The following NRG1 variants were observed in gnomAD, a reference collection of about 807,000 sequenced individuals.
NRG1 encodes neuregulin 1, also known as pro-neuregulin-1, membrane-bound isoform.
NRG1 carries 18 observed loss-of-function variants against 63.8 expected under a neutral mutation model. The ratio of observed to expected loss-of-function variants is 0.28; its 90% CI spans 0.19 to 0.42. The LOEUF (loss-of-function observed/expected upper bound fraction) is 0.42, where lower values mean the gene tolerates loss of function less well. NRG1 is among the 10% of genes least tolerant of loss of function. NRG1 has a pLI of 1.00. For missense variants in NRG1, 762 were observed against 814.7 expected, an observed-to-expected ratio of 0.94 and a Z score of 0.79; for synonymous variants, 302 against 301.3, an observed-to-expected ratio of 1.00 and a Z score of -0.02.
intron 1 of NRG1, among the ~76,000 whole-genome samples, chr8:32,218,713 C>T (rs943847415): frequency 6.6e-6 from 1 of 152,204 alleles, no homozygotes; most frequent in Non-Finnish European, 1.5e-5. Flanking sequence ...TGTTAACTTT[C>T]TATGAGTCAC....
intron 1 of NRG1, among the ~76,000 whole-genome samples, chr8:32,526,363 C>T (rs187187178): frequency 6.6e-6 from 1 of 152,318 alleles, no homozygotes; most frequent in East Asian, 1.9e-4. Context: ...TTAATCAAAG[C>T]TAGCAATGGT....
At chr8:32,549,161 C>T (rs2129523553) in intron 1 of NRG1, among the ~76,000 whole-genome samples, 1 of 152,344 alleles carries the variant, frequency 6.6e-6, no homozygotes, top group Admixed American at 6.5e-5. Context: ...GGGACCTGGG[C>T]TATAGGAGTC....
At chr8:32,686,458 A>G (rs1259878251) in intron 5 of NRG1, among the ~76,000 whole-genome samples, 1 of 152,218 alleles carries the variant, frequency 6.6e-6, no homozygotes, top group Non-Finnish European at 1.5e-5. Context: ...GCTGTGCCAC[A>G]ATGAGTGAAG....
intron 1 of NRG1, among the ~76,000 whole-genome samples, chr8:32,537,626 G>A (rs369119974): frequency 6.6e-5 from 10 of 152,136 alleles, no homozygotes; most frequent in African/African-American, 2.2e-4. Flanking sequence ...GGGGAGAGTG[G>A]CAACTAAAGA....
chr8:32,188,824 G>A (rs1842211005), intron 1 of NRG1, among the ~76,000 whole-genome samples: 1 of 151,954 alleles, frequency 6.6e-6, no homozygotes, highest in Non-Finnish European at 1.5e-5. Flanking sequence ...GGTGGGGGGA[G>A]GAGGAGGGAT....
intron 1 of NRG1, among the ~76,000 whole-genome samples, chr8:31,906,010 T>G (rs990649947): frequency 6.6e-6 from 1 of 152,242 alleles, no homozygotes. Context: ...GCCATTAGCC[T>G]TGTAACAAAT....
chr8:31,942,473 T>G (rs954038923), intron 1 of NRG1, among the ~76,000 whole-genome samples: 1 of 152,022 alleles, frequency 6.6e-6, no homozygotes, highest in Non-Finnish European at 1.5e-5. Context: ...AGACATTGAC[T>G]TAGGCAAAGA....
intron 1 of NRG1, among the ~76,000 whole-genome samples, chr8:32,341,243 G>A (rs1329710933): frequency 6.6e-6 from 1 of 152,180 alleles, no homozygotes; most frequent in Non-Finnish European, 1.5e-5. Context: ...TCATGTTTAA[G>A]AGGGTTCTAT....
intron 1 of NRG1, among the ~76,000 whole-genome samples, chr8:31,729,408 A>G (rs1285849866): frequency 6.6e-6 from 1 of 152,152 alleles, no homozygotes; most frequent in African/African-American, 2.4e-5. Context: ...AGAGAAGAAC[A>G]TAATGATATT....
At chr8:32,535,831 A>G (rs1267704740) in intron 1 of NRG1, among the ~76,000 whole-genome samples, 1 of 152,150 alleles carries the variant, frequency 6.6e-6, no homozygotes, top group African/African-American at 2.4e-5. Flanking sequence ...AGCCTTGCCC[A>G]TTGACCAGCT....
intron 1 of NRG1, among the ~76,000 whole-genome samples, chr8:32,147,453 T>C (rs1836998227): frequency 6.6e-6 from 1 of 152,230 alleles, no homozygotes. Context: ...TATAGGTGTA[T>C]TGATTGCCCT....
chr8:32,651,752 A>G (rs993794053), intron 5 of NRG1, among the ~76,000 whole-genome samples: 2 of 152,158 alleles, frequency 1.3e-5, no homozygotes, highest in Admixed American at 1.3e-4. Flanking sequence ...AGTTGGATAT[A>G]CCATAGGATT....
intron 1 of NRG1, among the ~76,000 whole-genome samples, chr8:32,060,563 T>G (rs974895079): frequency 1.3e-5 from 2 of 151,938 alleles, no homozygotes; most frequent in African/African-American, 4.8e-5. Context: ...GGGGGTTGCA[T>G]GATTATTATT....
At chr8:31,939,138 G>A (rs1585915746) in intron 1 of NRG1, among the ~76,000 whole-genome samples, 1 of 152,104 alleles carries the variant, frequency 6.6e-6, no homozygotes, top group Non-Finnish European at 1.5e-5. Flanking sequence ...CAAGATGAAG[G>A]AAAGAATCTT....
At chr8:32,374,920 C>T (rs959232683) in intron 1 of NRG1, among the ~76,000 whole-genome samples, 1 of 152,158 alleles carries the variant, frequency 6.6e-6, no homozygotes, top group Admixed American at 6.5e-5. Context: ...TAGGGCTCAA[C>T]AGCAGAACCC....
At chr8:32,024,250 G>GT (rs1563691497) in intron 1 of NRG1, among the ~76,000 whole-genome samples, 1 of 152,186 alleles carries the variant, frequency 6.6e-6, no homozygotes. Context: ...CTGCAAAACT[G>GT]TAAGAGCATC....
downstream of NRG1, among the ~76,000 whole-genome samples, chr8:32,771,230 C>T (rs919225087): frequency 1.3e-5 from 2 of 151,556 alleles, no homozygotes; most frequent in Non-Finnish European, 2.9e-5. Flanking sequence ...CCCACCTCAG[C>T]CTCTCAAGTA....
At position 32,727,667 on chromosome 8, in the gene NRG1, A is replaced by G. The variant is rs527425057; in HGVS notation, c.503-282A>G. Among the ~76,000 whole-genome samples the G allele has an allele frequency of 4.6e-5, 7 of 152,324 alleles. No individual in the cohort carries two copies. The East Asian group carries it at 1.4e-3, about 29-fold the overall frequency. The stretch of plus-strand genomic sequence containing the variant: ...AATGACAATAGAGCTTCTCTTTTCC[A>G]ACTACCTGGAAGATAAAATATTGGT... On this transcript the variant is annotated intron_variant, in intron 5 of 11. Coordinates refer to ENST00000356819, the Ensembl canonical transcript of NRG1.
chr8:32,493,124 C>A (rs1474962149), intron 1 of NRG1, among the ~76,000 whole-genome samples: 5 of 152,190 alleles, frequency 3.3e-5, no homozygotes, highest in African/African-American at 9.6e-5. Context: ...AATTAACAAC[C>A]CTTCTGTGTG....
Sources: allele counts gnomAD v4.1 joint callset (sites outside exome capture counted in the v4.1 genomes callset), GRCh38; gene constraint gnomAD v4.1.1; transcripts MANE v1.5; gene names NCBI Gene and HGNC (gene_info 2026-07-23, HGNC 2026-07-21).